The following BICC1 variants were observed in gnomAD, a reference collection of about 807,000 sequenced individuals.
The protein encoded by BICC1 is protein bicaudal C homolog 1.
A neutral mutation model predicts 111.0 loss-of-function variants in BICC1; 43 were observed. The ratio of observed to expected loss-of-function variants is 0.39; its 90% confidence interval spans 0.30 to 0.50. BICC1 has a LOEUF of 0.50. BICC1 is among the 20% of genes least tolerant of loss of function. BICC1 has a pLI of 0.88. For missense variants in BICC1, 1,091 were observed against 1,203.2 expected (o/e 0.91, Z 1.38); for synonymous variants, 467 against 434.4 (o/e 1.07, Z -0.93).
chr10:58,728,270 A>G (rs567271369), intron 3 of BICC1, among the ~76,000 whole-genome samples: 1 of 152,332 alleles, frequency 6.6e-6, no homozygotes, highest in South Asian at 2.1e-4. Flanking sequence ...CTGCTTTATC[A>G]ACTAAGTTTA....
chr10:58,695,965 G>A lies in BICC1; in HGVS notation c.238-6109G>A, dbSNP rs1415837677. Among the ~76,000 whole-genome samples, 3 of 152,120 alleles carry A rather than the reference G, an allele frequency of 2.0e-5. 1 individual carries two copies. The highest frequency in any genetic ancestry group is 4.1e-4 in the South Asian group (2 of 4,820). ...CTTTAACAGTTTATTTCAAGAAAGT[G>A]AAATTACTTAAATGATTCAGTGTAA... is the stretch of plus-strand genomic sequence containing the variant. On this transcript the variant is annotated intron_variant, in intron 2 of 20. Transcript: ENST00000373886.
intron 4 of BICC1, among the ~76,000 whole-genome samples, chr10:58,785,961 G>A (rs1843000546): frequency 1.3e-5 from 2 of 151,962 alleles, no homozygotes; most frequent in South Asian, 4.1e-4. Context: ...TTACTCCCCT[G>A]ATAATTATTA....
intron 3 of BICC1, among the ~76,000 whole-genome samples, chr10:58,767,838 G>A (rs1842500667): frequency 6.6e-6 from 1 of 151,770 alleles, no homozygotes; most frequent in Non-Finnish European, 1.5e-5. Flanking sequence ...AAATGCATCA[G>A]AGAGAGTCAA....
rs748920630 is a variant in BICC1 at position 58,828,741 on chromosome 10, TTCTC to T, written c.2795-16_2795-13del. 1.9e-6 allele frequency: 3 copies of T among 1,611,312 alleles called. No homozygotes were observed. The highest frequency in any genetic ancestry group is 1.7e-5 in the Admixed American group (1 of 59,910). On this transcript the variant is annotated splice_polypyrimidine_tract_variant and intron_variant, in intron 20 of 20. Transcript: ENST00000373886. ...AGAACTTCTCTTGAGCTCCTAACAATTCTCTCTTTCTCTCTCTAGAACTAAATAA... is the reference window on the plus strand; with the variant it reads ...AGAACTTCTCTTGAGCTCCTAACAATTCTTTCTCTCTCTAGAACTAAATAA...
intron 2 of BICC1, among the ~76,000 whole-genome samples, chr10:58,636,990 C>T (rs908090166): frequency 6.6e-6 from 1 of 151,346 alleles, no homozygotes; most frequent in Non-Finnish European, 1.5e-5. Context: ...GGATGAGGCA[C>T]CTTCCATATC....
Position 58,795,134 on chromosome 10 carries a change from AAAT to A in BICC1, c.1180-1203_1180-1201del, listed in dbSNP as rs536241560. 8.0e-4 allele frequency among the ~76,000 whole-genome samples: 122 copies of A among 152,310 alleles called. 1 individual carries two copies. Among genetic ancestry groups the A allele is most frequent in the Admixed American group, 7.5e-3 (114 of 15,296 alleles). ...GTTCTATTTATTTAACAAAAATCCG[AAAT>A]AAGAAAATAACACCATTTTTAAATT... On this transcript the variant is annotated intron_variant, in intron 9 of 20. Transcript: ENST00000373886.
rs777716721 is a variant in BICC1, at chr10:58,731,726, GAGA to G, written c.307+29584_307+29586del. ...ACAAGGGGAGAGAGAGAGAGAGAGA[GAGA>G]GAGGGAGGGAGTGGGGGAGAGATGC... is the stretch of plus-strand genomic sequence containing the variant. On this transcript the variant is annotated intron_variant, in intron 3 of 20. Transcript: ENST00000373886. 3.8e-3 allele frequency among the ~76,000 whole-genome samples: 577 copies of G among 151,980 alleles called. 3 individuals are homozygous for G. The highest frequency in any genetic ancestry group is 6.8e-3 in the Non-Finnish European group (459 of 67,948).
chr10:58,776,511 A>C (rs1032707076), intron 3 of BICC1, among the ~76,000 whole-genome samples: 9 of 152,196 alleles, frequency 5.9e-5, no homozygotes, highest in Admixed American at 1.3e-4. Flanking sequence ...GGGATGCTTT[A>C]TCCTGGCATG....
At chr10:58,554,331 T>C (rs1236960072) in intron 1 of BICC1, among the ~76,000 whole-genome samples, 1 of 152,206 alleles carries the variant, frequency 6.6e-6, no homozygotes, top group Non-Finnish European at 1.5e-5. Flanking sequence ...CTCTGAACTT[T>C]AAATCCGGTC....
At chr10:58,515,783 A>T (rs1260567234) in intron 1 of BICC1, among the ~76,000 whole-genome samples, 1 of 152,204 alleles carries the variant, frequency 6.6e-6, no homozygotes, top group Non-Finnish European at 1.5e-5. Flanking sequence ...GGGAGAATCG[A>T]AAGAGATAAT....
intron 1 of BICC1, among the ~76,000 whole-genome samples, chr10:58,553,910 A>G (rs1233337684): frequency 1.3e-5 from 2 of 152,034 alleles, no homozygotes; most frequent in Non-Finnish European, 2.9e-5. Context: ...TTCATGTGTT[A>G]AGAGTCTTAA....
intron 2 of BICC1, among the ~76,000 whole-genome samples, chr10:58,678,109 C>A (rs1306992546): frequency 6.6e-6 from 1 of 152,132 alleles, no homozygotes; most frequent in Non-Finnish European, 1.5e-5. Context: ...TAAACACCAT[C>A]GATGCTAGGA....
At chr10:58,774,719 A>C (rs867013998) in intron 3 of BICC1, among the ~76,000 whole-genome samples, 2 of 152,204 alleles carry the variant, frequency 1.3e-5, no homozygotes, top group Non-Finnish European at 1.5e-5. Context: ...TATTTCCACC[A>C]AAAGTATGGG....
At chr10:58,658,704 C>T (rs559220469) in intron 2 of BICC1, among the ~76,000 whole-genome samples, 8 of 152,130 alleles carry the variant, frequency 5.3e-5, no homozygotes, top group African/African-American at 1.9e-4. Context: ...TATTTGATGC[C>T]CAAATTGTTC....
chr10:58,552,931 A>G (rs1843336235), intron 1 of BICC1, among the ~76,000 whole-genome samples: 1 of 152,170 alleles, frequency 6.6e-6, no homozygotes, highest in African/African-American at 2.4e-5. Context: ...TTTCAGACAG[A>G]TATATAATAT....
chr10:58,657,254 A>G (rs1838686761), intron 2 of BICC1, among the ~76,000 whole-genome samples: 1 of 152,156 alleles, frequency 6.6e-6, no homozygotes, highest in Non-Finnish European at 1.5e-5. Flanking sequence ...ATCACTGTCT[A>G]TTGAAATGTT....
intron 3 of BICC1, among the ~76,000 whole-genome samples, chr10:58,748,324 T>G (rs1370828955): frequency 3.9e-5 from 6 of 152,074 alleles, no homozygotes; most frequent in Non-Finnish European, 5.9e-5. Flanking sequence ...AAAGAATATA[T>G]AGTATAATGC....
intron 2 of BICC1, among the ~76,000 whole-genome samples, chr10:58,690,231 G>A (rs529443391): frequency 1.3e-5 from 2 of 152,280 alleles, no homozygotes; most frequent in African/African-American, 2.4e-5. Context: ...ATTGCTTTCC[G>A]CATTTCCCAG....
chr10:58,655,901 T>G (rs1838628073), intron 2 of BICC1, among the ~76,000 whole-genome samples: 1 of 151,992 alleles, frequency 6.6e-6, no homozygotes, highest in African/African-American at 2.4e-5. Flanking sequence ...GAAGGGTTGT[T>G]GAAAGGAGCT....
Sources: allele counts gnomAD v4.1 joint callset (sites outside exome capture counted in the v4.1 genomes callset), GRCh38; gene constraint gnomAD v4.1.1; transcripts MANE v1.5; gene names NCBI Gene and HGNC (gene_info 2026-07-23, HGNC 2026-07-21).